SEC22A: variants seen among roughly 807,000 people sequenced by gnomAD.
SEC22A encodes the protein vesicle-trafficking protein SEC22a.
In SEC22A, 22 loss-of-function variants were observed where a neutral mutation model predicts 35.3. The observed-to-expected ratio is 0.62, with a 90% CI of 0.45 to 0.89. The LOEUF (loss-of-function observed/expected upper bound fraction) is 0.89, where lower values mean the gene tolerates loss of function less well. Among genes scored for constraint, SEC22A ranks in the 40% least tolerant of loss-of-function variants. The probability of loss-of-function intolerance (pLI) is 0.00; values close to 1 mark genes in which losing one functional copy is unlikely to be tolerated. For missense variants in SEC22A, 354 were observed against 362.5 expected (o/e 0.98, Z 0.19); for synonymous variants, 119 against 129.5 (o/e 0.92, Z 0.55).
At chr3:123,233,949 C>T (rs1044111138) in intron 4 of SEC22A, among the ~76,000 whole-genome samples, 1 of 152,178 alleles carries the variant, frequency 6.6e-6, no homozygotes, top group Admixed American at 6.5e-5. Flanking sequence ...TTATATAGAA[C>T]ATTCTAAGGA....
intron 5 of SEC22A, among the ~76,000 whole-genome samples, chr3:123,251,303 A>G (rs999807160): frequency 7.2e-5 from 11 of 152,108 alleles, no homozygotes; most frequent in Non-Finnish European, 1.3e-4. Flanking sequence ...GGTCTTTTTT[A>G]TTAGTAGGTC....
At chr3:123,214,618 T>TA (rs1259666006) in intron 2 of SEC22A, among the ~76,000 whole-genome samples, 1 of 152,240 alleles carries the variant, frequency 6.6e-6, no homozygotes, top group Non-Finnish European at 1.5e-5. Context: ...TGAATAAACT[T>TA]ATGTTACCAC....
At chr3:123,217,686 G>A (rs538327624) in intron 2 of SEC22A, among the ~76,000 whole-genome samples, 1 of 152,276 alleles carries the variant, frequency 6.6e-6, no homozygotes, top group South Asian at 2.1e-4. Context: ...CATGTTATAT[G>A]TAATACAAAT....
chr3:123,266,703 A>G (rs1221946336), intron 6 of SEC22A, among the ~76,000 whole-genome samples: 1 of 152,114 alleles, frequency 6.6e-6, no homozygotes, highest in Non-Finnish European at 1.5e-5. Context: ...GCCCCAAAAT[A>G]TGGTCTGTCT....
intron 1 of SEC22A, 107 bp from the exon 2 acceptor site, chr3:123,209,092 C>A: frequency 1.2e-6 from 1 of 853,158 alleles, no homozygotes; most frequent in Non-Finnish European, 1.9e-6. Context: ...CACACCTGGC[C>A]ATTTTAATTA....
intron 2 of SEC22A, among the ~76,000 whole-genome samples, chr3:123,218,335 C>T (rs28562099): frequency 0.27 from 41,059 of 151,988 alleles, 6,090 homozygotes; most frequent in African/African-American, 0.39. Context: ...CCAAACCCCA[C>T]TGGCACCAAA....
Position 123,242,274 on chromosome 3 carries a change from A to G in SEC22A, c.542-3625A>G, listed in dbSNP as rs113473180. 2.1e-3 allele frequency among the ~76,000 whole-genome samples: 314 copies of G among 152,278 alleles called. 5 individuals are homozygous for G. The highest frequency in any genetic ancestry group is 0.02 in the Middle Eastern group (6 of 294). On this transcript the variant is annotated intron_variant, in intron 4 of 6. Coordinates refer to ENST00000492595, the MANE Select transcript of SEC22A (RefSeq NM_012430.5). ...TCCATTCTTCAGTTGCTTGTTAAAC[A>G]CGGCCCACCATCACCTCAAATATGA... is the stretch of plus-strand genomic sequence containing the variant.
At chr3:123,269,625 A>ATTT (rs35895285) in intron 6 of SEC22A, among the ~76,000 whole-genome samples, 48 of 89,482 alleles carry the variant, frequency 5.4e-4, no homozygotes, top group African/African-American at 8.7e-4. Context: ...AAGGACATGA[A>ATTT]TTTTTTTTTT....
At chr3:123,251,099 A>AT (rs901489599) in intron 5 of SEC22A, among the ~76,000 whole-genome samples, 10 of 152,176 alleles carry the variant, frequency 6.6e-5, no homozygotes, top group African/African-American at 2.4e-4. Context: ...AAAGGTAAAT[A>AT]TTTTTGTCGG....
intron 5 of SEC22A, among the ~76,000 whole-genome samples, chr3:123,250,389 G>A (rs1044581197): frequency 6.6e-6 from 1 of 151,478 alleles, no homozygotes; most frequent in East Asian, 1.9e-4. Flanking sequence ...TCAGCCTGGC[G>A]ACAAAGTGAG....
chr3:123,220,063 C>G (rs951489287), intron 2 of SEC22A, among the ~76,000 whole-genome samples: 6 of 152,194 alleles, frequency 3.9e-5, no homozygotes, highest in Non-Finnish European at 2.9e-5. Flanking sequence ...AAAATGCTCA[C>G]ATGCCATGTT....
chr3:123,212,668 TTTAG>T (rs1936956451), intron 2 of SEC22A, among the ~76,000 whole-genome samples: 2 of 152,090 alleles, frequency 1.3e-5, no homozygotes, highest in African/African-American at 4.8e-5. Context: ...ATCATTTAGT[TTTAG>T]TTAGTTGTAC....
chr3:123,259,845 C>T (rs1440638563), intron 6 of SEC22A, among the ~76,000 whole-genome samples: 1 of 151,982 alleles, frequency 6.6e-6, no homozygotes, highest in Admixed American at 6.6e-5. Flanking sequence ...GTAAAGACTA[C>T]TTCTAGGCTG....
intron 1 of SEC22A, among the ~76,000 whole-genome samples, chr3:123,205,842 A>G (rs1441401089): frequency 1.3e-5 from 2 of 152,240 alleles, no homozygotes; most frequent in Non-Finnish European, 2.9e-5. Flanking sequence ...TCTTGATGGT[A>G]GGACTCTTCA....
Position 123,209,404 on chromosome 3 carries a change from G to T in SEC22A, c.182+5G>T. On this transcript the variant is annotated splice_donor_5th_base_variant and intron_variant, in intron 2 of 6. Coordinates refer to ENST00000492595, the MANE Select transcript of SEC22A (RefSeq NM_012430.5). ...AACTGGACATTATAACATTAAGTAA[G>T]ACTTCAGTTTGCTTCATTTGACTCA... 1 of 1,601,802 alleles carries T rather than the reference G, an allele frequency of 6.2e-7. No homozygotes were observed. The highest frequency in any genetic ancestry group is 1.1e-5 in the South Asian group (1 of 90,358).
At chr3:123,268,011 A>T (rs1458805626) in intron 6 of SEC22A, among the ~76,000 whole-genome samples, 1 of 152,164 alleles carries the variant, frequency 6.6e-6, no homozygotes, top group African/African-American at 2.4e-5. Flanking sequence ...TTCTCCACTG[A>T]TATCACAATA....
intron 4 of SEC22A, among the ~76,000 whole-genome samples, chr3:123,226,405 A>G (rs1937218458): frequency 6.6e-6 from 1 of 152,098 alleles, no homozygotes; most frequent in Non-Finnish European, 1.5e-5. Flanking sequence ...AGGTGAAATG[A>G]TGTCTCGTTG....
intron 5 of SEC22A, among the ~76,000 whole-genome samples, chr3:123,251,912 A>T (rs1937618465): frequency 6.6e-6 from 1 of 152,208 alleles, no homozygotes; most frequent in Non-Finnish European, 1.5e-5. Flanking sequence ...CTGCTTTGTA[A>T]AGATTCTGTG....
At chr3:123,247,967 A>T (rs1452134192) in intron 5 of SEC22A, among the ~76,000 whole-genome samples, 1 of 152,240 alleles carries the variant, frequency 6.6e-6, no homozygotes, top group Admixed American at 6.5e-5. Flanking sequence ...TCGCGTGATC[A>T]TATCAGTAGG....
Sources: allele counts gnomAD v4.1 joint callset (sites outside exome capture counted in the v4.1 genomes callset), GRCh38; gene constraint gnomAD v4.1.1; transcripts MANE v1.5; gene names NCBI Gene and HGNC (gene_info 2026-07-23, HGNC 2026-07-21).